Variants in PTGER4 observed in about 807,000 individuals in gnomAD.
PTGER4 encodes prostaglandin E2 receptor EP4 subtype.
Under a neutral mutation model 33.2 loss-of-function variants are expected in PTGER4, and 11 were observed. The observed-to-expected ratio is 0.33, with a 90% CI of 0.21 to 0.55. The LOEUF (loss-of-function observed/expected upper bound fraction) is 0.55. Ranked by LOEUF, PTGER4 falls within the 20% of genes least tolerant of loss-of-function variation. PTGER4 has a pLI of 0.92. For synonymous variants in PTGER4, 275 were observed against 281.5 expected (o/e 0.98, Z 0.23); for missense variants, 481 against 650.2 (o/e 0.74, Z 2.83).
At chr5:40,702,895 C>T in the PTGER4 span, among the ~76,000 whole-genome samples, 1 of 152,078 alleles carries the variant, frequency 6.6e-6, no homozygotes, top group Non-Finnish European at 1.5e-5. Flanking sequence ...GGAAATTAAA[C>T]AACATGGTCC....
chr5:40,708,091 A>C, the PTGER4 span, among the ~76,000 whole-genome samples: 758 of 152,222 alleles, frequency 5.0e-3, 8 homozygotes, highest in African/African-American at 0.017. Flanking sequence ...AAAGATCTAA[A>C]ATTCACATCC....
the PTGER4 span, among the ~76,000 whole-genome samples, chr5:40,722,562 C>A: frequency 1.3e-5 from 2 of 151,974 alleles, no homozygotes; most frequent in Admixed American, 1.3e-4. Context: ...GCCGCGACCC[C>A]GTCTGGGAAC....
chr5:40,732,916 C>G, the PTGER4 span, among the ~76,000 whole-genome samples: 4 of 152,024 alleles, frequency 2.6e-5, no homozygotes, highest in Non-Finnish European at 5.9e-5. Context: ...CCTAATATAA[C>G]AGATTCTATC....
chr5:40,694,981 G>T (rs959142662), downstream of PTGER4, among the ~76,000 whole-genome samples: 10 of 152,126 alleles, frequency 6.6e-5, no homozygotes, highest in African/African-American at 2.4e-4. Flanking sequence ...TTGTCTAATT[G>T]GCTACTATTA....
At chr5:40,728,789 T>C in the PTGER4 span, among the ~76,000 whole-genome samples, 6 of 152,336 alleles carry the variant, frequency 3.9e-5, no homozygotes, top group African/African-American at 1.4e-4. Context: ...TTCCATTTAT[T>C]CTATTTACAA....
chr5:40,682,277 G>A (rs1223927499), intron 2 of PTGER4, among the ~76,000 whole-genome samples: 1 of 152,162 alleles, frequency 6.6e-6, no homozygotes, highest in African/African-American at 2.4e-5. Context: ...CAGGGATGGT[G>A]ATCTGTTCGT....
In PTGER4 at chr5:40,681,261, C is replaced by T; in HGVS notation, c.268C>T (p.Pro90Ser). ...YMKGQWPGGQPLCEYSTFILL... is the reference protein window; with the variant it reads ...YMKGQWPGGQSLCEYSTFILL... ...GAAGGGCCAATGGCCCGGGGGCCAGCCGCTGTGCGAGTACAGCACCTTCAT... is the reference window on the plus strand; with the variant it reads ...GAAGGGCCAATGGCCCGGGGGCCAGTCGCTGTGCGAGTACAGCACCTTCAT... Residue 90 changes from proline to serine, a missense_variant, in exon 2 of 3, where the codon CCG (proline) becomes TCG (serine). Around this residue, in one of 7 missense-constraint regions of PTGER4, gnomAD observed 61 missense variants for 145.2 expected, o/e 0.42. Coordinates refer to ENST00000302472, the MANE Select transcript of PTGER4 (RefSeq NM_000958.3). The surrounding 1 kb of genome is among the most constrained non-coding windows in gnomAD (Gnocchi z 9.8). The T allele has an allele frequency of 6.2e-7, 1 of 1,614,194 alleles. No homozygotes were observed. The highest frequency in any genetic ancestry group is 1.3e-5 in the African/African-American group (1 of 75,076).
At chr5:40,722,300 G>A in the PTGER4 span, among the ~76,000 whole-genome samples, 1 of 152,304 alleles carries the variant, frequency 6.6e-6, no homozygotes, top group South Asian at 2.1e-4. Context: ...CCAAAGTGCC[G>A]AGATTGCATC....
the PTGER4 span, chr5:40,716,403 C>G: frequency 1.2e-6 from 2 of 1,613,970 alleles, no homozygotes; most frequent in Non-Finnish European, 1.7e-6. Flanking sequence ...CTACCTTCTG[C>G]TGCTCCTGGA....
At chr5:40,688,315 A>G (rs1212425138) in intron 2 of PTGER4, among the ~76,000 whole-genome samples, 1 of 152,150 alleles carries the variant, frequency 6.6e-6, no homozygotes, top group Non-Finnish European at 1.5e-5. Context: ...GAAACTCTCA[A>G]GTGGAGCAAC....
chr5:40,703,400 G>T, the PTGER4 span, among the ~76,000 whole-genome samples: 6 of 152,224 alleles, frequency 3.9e-5, no homozygotes, highest in East Asian at 1.2e-3. Context: ...GGAAGAGATG[G>T]ATAAATTCCT....
the PTGER4 span, among the ~76,000 whole-genome samples, chr5:40,732,183 TA>T: frequency 2.6e-5 from 4 of 152,076 alleles, no homozygotes; most frequent in Non-Finnish European, 5.9e-5. Flanking sequence ...CTAATTTTTT[TA>T]TTTTTTTATT....
chr5:40,686,328 C>A (rs1362110532), intron 2 of PTGER4, among the ~76,000 whole-genome samples: 1 of 152,230 alleles, frequency 6.6e-6, no homozygotes, highest in Non-Finnish European at 1.5e-5. Flanking sequence ...ACATTCCCTG[C>A]AAACAAATTA....
At chr5:40,742,343 T>C in the PTGER4 span, among the ~76,000 whole-genome samples, 3 of 152,108 alleles carry the variant, frequency 2.0e-5, no homozygotes, top group Non-Finnish European at 4.4e-5. Context: ...TAATAACTAA[T>C]ATTTATTGAG....
chr5:40,684,126 C>CCA (rs1456117635), intron 2 of PTGER4, among the ~76,000 whole-genome samples: 1 of 25,856 alleles, frequency 3.9e-5, no homozygotes, highest in African/African-American at 9.4e-5. Context: ...ACCCACCCAC[C>CCA]CCCCCCCCCA....
the PTGER4 span, among the ~76,000 whole-genome samples, chr5:40,707,608 A>T: frequency 1.3e-5 from 2 of 152,196 alleles, no homozygotes; most frequent in Non-Finnish European, 2.9e-5. Context: ...CACTGTCAAC[A>T]TTAGACAGAT....
At chr5:40,709,210 G>C in the PTGER4 span, among the ~76,000 whole-genome samples, 1 of 152,142 alleles carries the variant, frequency 6.6e-6, no homozygotes, top group Non-Finnish European at 1.5e-5. Context: ...AAGAAATAAA[G>C]GGTATTCAAT....
chr5:40,691,730 T>C lies in PTGER4; in HGVS notation c.868-49T>C, dbSNP rs777919191. ...AGGTAGACATAGCATTTATATGTTT[T>C]CCCAATTGATTAATGATGAAATCTA... is the stretch of plus-strand genomic sequence containing the variant. On this transcript the variant is annotated intron_variant, in intron 2 of 2. Transcript: ENST00000302472. This position sits in a 1 kb window ranked among gnomAD's most constrained non-coding sequence, Gnocchi z 4.2. 5 of 1,563,142 alleles carry C rather than the reference T, an allele frequency of 3.2e-6. 1 individual carries two copies. The South Asian group carries it at 3.7e-5, about 12-fold the overall frequency.
chr5:40,745,505 G>A, the PTGER4 span, among the ~76,000 whole-genome samples: 1 of 151,812 alleles, frequency 6.6e-6, no homozygotes, highest in East Asian at 1.9e-4. Context: ...TCTAGATAGA[G>A]GAAATACGAG....
Sources: allele counts gnomAD v4.1 joint callset (sites outside exome capture counted in the v4.1 genomes callset), GRCh38; gene constraint gnomAD v4.1.1; regional missense constraint gnomAD v4.1.1; non-coding constraint Gnocchi (gnomAD v3.1); transcripts MANE v1.5; gene names NCBI Gene and HGNC (gene_info 2026-07-23, HGNC 2026-07-21).